Variants in UVRAG observed in about 807,000 individuals in gnomAD.
UVRAG encodes the protein UV radiation resistance-associated gene protein.
In UVRAG, 19 loss-of-function variants were observed where a neutral mutation model predicts 78.0. That is an observed-to-expected ratio of 0.24 (90% confidence interval 0.17 to 0.36). The LOEUF is 0.36. UVRAG is among the 10% of genes least tolerant of loss of function. UVRAG has a pLI of 1.00. For synonymous variants in UVRAG, 323 were observed against 324.6 expected, an observed-to-expected ratio of 1.00 and a Z score of 0.05; for missense variants, 740 against 853.8, an observed-to-expected ratio of 0.87 and a Z score of 1.66.
intron 13 of UVRAG, among the ~76,000 whole-genome samples, chr11:76,083,294 T>C (rs1951532044): frequency 6.6e-6 from 1 of 152,192 alleles, no homozygotes; most frequent in Admixed American, 6.5e-5. Flanking sequence ...AACATCTGCA[T>C]GGACCATTTT....
chr11:76,051,254 G>GT lies in UVRAG; in HGVS notation c.1227-14445dup, dbSNP rs1424729934. Among the ~76,000 whole-genome samples the GT allele has an allele frequency of 7.0e-3, 1,035 of 147,156 alleles. 6 individuals are homozygous for GT. The highest frequency in any genetic ancestry group is 0.022 in the Middle Eastern group (6 of 278). ...TTGCATGCTTAATTGTGGATTTGGT[G>GT]TTTTTTTTTTTCTTAACATTTACAG... is the stretch of plus-strand genomic sequence containing the variant. On this transcript the variant is annotated intron_variant, in intron 12 of 14. Coordinates refer to ENST00000356136, the MANE Select transcript of UVRAG (RefSeq NM_003369.4).
intron 8 of UVRAG, among the ~76,000 whole-genome samples, chr11:75,997,456 CTGATTTAACAGAG>C (rs2135315707): frequency 6.6e-6 from 1 of 152,306 alleles, no homozygotes; most frequent in East Asian, 1.9e-4. Flanking sequence ...GAGAGGCTAT[CTGATTTAACAGAG>C]TAGAACATTG....
chr11:76,093,858 C>T (rs993176294), intron 13 of UVRAG, among the ~76,000 whole-genome samples: 1 of 152,176 alleles, frequency 6.6e-6, no homozygotes, highest in African/African-American at 2.4e-5. Flanking sequence ...ATTTCTTTCT[C>T]CTGCCTGATT....
chr11:75,821,506 C>T (rs992751156), intron 1 of UVRAG, among the ~76,000 whole-genome samples: 2 of 152,086 alleles, frequency 1.3e-5, no homozygotes, highest in African/African-American at 4.8e-5. Context: ...GCCTCCACGC[C>T]CAGCTAATTT....
intron 13 of UVRAG, among the ~76,000 whole-genome samples, chr11:76,108,867 C>T (rs1219328953): frequency 6.6e-6 from 1 of 152,162 alleles, no homozygotes; most frequent in Non-Finnish European, 1.5e-5. Flanking sequence ...CCCCACTTCC[C>T]ATCTAACTTA....
chr11:75,828,764 T>TAC (rs1391406240), intron 1 of UVRAG, among the ~76,000 whole-genome samples: 4 of 112,744 alleles, frequency 3.5e-5, no homozygotes, highest in East Asian at 2.7e-4. Flanking sequence ...CATATATATA[T>TAC]ATATATATAT....
At position 76,065,740 on chromosome 11, in the gene UVRAG, G is replaced by T. The variant is rs754250286; in HGVS notation, c.1257G>T (p.Lys419Asn). Residue 419 changes from lysine (K) to asparagine (N), a missense_variant, in exon 13 of 15, where the codon AAG becomes AAT. Coordinates refer to ENST00000356136, the MANE Select transcript of UVRAG (RefSeq NM_003369.4). ...EFPLYPKGGE[K>N]LQFDYGVYLL... is the part of the protein sequence containing the mutation. ...CACTGTATCCAAAAGGAGGGGAGAA[G>T]TTGCAGTTTGATTATGGTGTCTATC... 6.2e-7 allele frequency: 1 copy of T among 1,613,938 alleles called. No individual in the cohort carries two copies. Among genetic ancestry groups the T allele is most frequent in the Non-Finnish European group, 8.5e-7 (1 of 1,179,956 alleles).
chr11:75,829,456 C>G (rs1290746235), intron 1 of UVRAG, among the ~76,000 whole-genome samples: 1 of 152,114 alleles, frequency 6.6e-6, no homozygotes, highest in Non-Finnish European at 1.5e-5. Context: ...TAACTATGAC[C>G]CATTTTGTTT....
intron 13 of UVRAG, among the ~76,000 whole-genome samples, chr11:76,066,641 G>A (rs1387203950): frequency 6.6e-6 from 1 of 151,818 alleles, no homozygotes; most frequent in East Asian, 1.9e-4. Flanking sequence ...CTCAGCTAAT[G>A]TTTTGTGTTT....
At chr11:76,030,901 C>T (rs1950424964) in intron 12 of UVRAG, among the ~76,000 whole-genome samples, 1 of 152,156 alleles carries the variant, frequency 6.6e-6, no homozygotes, top group South Asian at 2.1e-4. Flanking sequence ...AACAGCCCAA[C>T]TCAATGATGC....
intron 13 of UVRAG, among the ~76,000 whole-genome samples, chr11:76,112,760 C>G (rs182526851): frequency 6.7e-6 from 1 of 149,734 alleles, no homozygotes; most frequent in East Asian, 1.9e-4. Context: ...GGGTCTCACT[C>G]TTATCACGCA....
chr11:76,088,917 A>T (rs1591223876), intron 13 of UVRAG, among the ~76,000 whole-genome samples: 1 of 152,138 alleles, frequency 6.6e-6, no homozygotes, highest in Non-Finnish European at 1.5e-5. Context: ...TCCCCTACTA[A>T]ATTAATAAGT....
intron 13 of UVRAG, among the ~76,000 whole-genome samples, chr11:76,099,254 C>T (rs1951837312): frequency 6.6e-6 from 1 of 152,182 alleles, no homozygotes; most frequent in Non-Finnish European, 1.5e-5. Flanking sequence ...AATAAATTCT[C>T]TGTCATTGAA....
intron 13 of UVRAG, among the ~76,000 whole-genome samples, chr11:76,084,600 T>A (rs181363356): frequency 2.1e-3 from 327 of 152,336 alleles, no homozygotes; most frequent in Middle Eastern, 0.01. Context: ...AGTTATCTTA[T>A]TTTTCTCATT....
intron 7 of UVRAG, among the ~76,000 whole-genome samples, chr11:75,973,042 C>T (rs936431902): frequency 1.3e-5 from 2 of 152,032 alleles, no homozygotes; most frequent in African/African-American, 4.8e-5. Flanking sequence ...TTTTTCTTGT[C>T]TTATTTCATT....
intron 12 of UVRAG, 83 bp downstream of exon 12, chr11:76,017,063 TC>T (rs1950161418): frequency 9.4e-7 from 1 of 1,063,010 alleles, no homozygotes; most frequent in African/African-American, 1.6e-5. Context: ...TAAAATGTAA[TC>T]TAAATTATGA....
chr11:75,868,814 A>C (rs774441140), intron 3 of UVRAG, among the ~76,000 whole-genome samples: 59 of 152,234 alleles, frequency 3.9e-4, no homozygotes, highest in Admixed American at 1.1e-3. Context: ...TTACAAAGTT[A>C]ATCTACTCAT....
chr11:76,075,672 A>G (rs1281936585), intron 13 of UVRAG, among the ~76,000 whole-genome samples: 1 of 152,056 alleles, frequency 6.6e-6, no homozygotes, highest in East Asian at 1.9e-4. Context: ...TTGTGCAACT[A>G]TCACCACGGT....
intron 6 of UVRAG, among the ~76,000 whole-genome samples, chr11:75,944,198 C>T (rs946710766): frequency 6.6e-6 from 1 of 152,134 alleles, no homozygotes; most frequent in African/African-American, 2.4e-5. Context: ...CCCTTGCATA[C>T]AGCTGTCAGA....
Sources: allele counts gnomAD v4.1 joint callset (sites outside exome capture counted in the v4.1 genomes callset), GRCh38; gene constraint gnomAD v4.1.1; transcripts MANE v1.5; gene names NCBI Gene and HGNC (gene_info 2026-07-23, HGNC 2026-07-21).